IL7: variants seen among roughly 807,000 people sequenced by gnomAD.
The protein encoded by IL7 is interleukin 7, also known as interleukin-7.
A neutral mutation model predicts 21.6 loss-of-function variants in IL7; 3 were observed. The observed-to-expected ratio is 0.14, with a 90% confidence interval of 0.06 to 0.36. The LOEUF is 0.36. Ranked by LOEUF, IL7 falls within the 10% of genes least tolerant of loss-of-function variation. The pLI, the probability that IL7 is intolerant of heterozygous loss-of-function variation, is 1.00. For synonymous variants in IL7, 62 were observed against 68.1 expected, an observed-to-expected ratio of 0.91 and a Z score of 0.44; for missense variants, 175 against 200.2, an observed-to-expected ratio of 0.87 and a Z score of 0.76.
chr8:78,770,732 G>A (rs1812921762), intron 2 of IL7, among the ~76,000 whole-genome samples: 1 of 151,890 alleles, frequency 6.6e-6, no homozygotes. Flanking sequence ...AGTGAGATAG[G>A]TAGGAAGATA....
intron 2 of IL7, among the ~76,000 whole-genome samples, chr8:78,752,352 C>T (rs867839015): frequency 4.6e-5 from 7 of 152,208 alleles, no homozygotes; most frequent in Admixed American, 6.5e-5. Context: ...AAACTTCATA[C>T]TGTTTTCAAT....
chr8:78,682,590 A>T (rs1160369788), intron 4 of IL7, among the ~76,000 whole-genome samples: 2 of 152,154 alleles, frequency 1.3e-5, no homozygotes, highest in East Asian at 3.9e-4. Context: ...TCCTCCCACA[A>T]CCTGTGGGGA....
chr8:78,755,881 T>C (rs1307947746), intron 2 of IL7, among the ~76,000 whole-genome samples: 1 of 152,058 alleles, frequency 6.6e-6, no homozygotes, highest in African/African-American at 2.4e-5. Context: ...ATAGGAGTGG[T>C]AAAAGTGGGC....
chr8:78,761,866 C>T, intron 2 of IL7: 1 of 1,611,840 alleles, frequency 6.2e-7, no homozygotes, highest in East Asian at 2.2e-5. Flanking sequence ...TTTCATCAGC[C>T]TCATGTCCGT....
At chr8:78,776,685 G>A (rs1345830732) in intron 2 of IL7, among the ~76,000 whole-genome samples, 2 of 152,054 alleles carry the variant, frequency 1.3e-5, no homozygotes, top group Non-Finnish European at 2.9e-5. Context: ...GAATGCTTAA[G>A]TTCCAGGCAC....
chr8:78,780,987 C>A (rs894927518), intron 2 of IL7, among the ~76,000 whole-genome samples: 1 of 151,944 alleles, frequency 6.6e-6, no homozygotes, highest in Non-Finnish European at 1.5e-5. Context: ...TTATGTAATG[C>A]CTTTATCTTT....
At chr8:78,804,829 T>A in intron 1 of IL7, 84 bp downstream of exon 1, 1 of 1,529,690 alleles carries the variant, frequency 6.5e-7, no homozygotes, top group Non-Finnish European at 9.0e-7. Context: ...CGGACTTGCC[T>A]AGGAGCAGGG....
intron 4 of IL7, among the ~76,000 whole-genome samples, chr8:78,737,659 C>CGTA (rs1811638229): frequency 6.6e-6 from 1 of 151,988 alleles, no homozygotes; most frequent in Non-Finnish European, 1.5e-5. Flanking sequence ...ATAATCTTAC[C>CGTA]ATTTTACCTT....
intron 2 of IL7, chr8:78,759,996 G>T: frequency 2.2e-6 from 1 of 461,984 alleles, no homozygotes. Flanking sequence ...TCAAACAGGG[G>T]CCATTTAAAC....
chr8:78,689,628 G>A (rs1174774756), intron 3 of IL7, among the ~76,000 whole-genome samples: 2 of 151,718 alleles, frequency 1.3e-5, no homozygotes, highest in African/African-American at 4.8e-5. Flanking sequence ...AGCACGTTTT[G>A]TATATATAAA....
downstream of IL7, among the ~76,000 whole-genome samples, chr8:78,713,247 T>C (rs1811002605): frequency 6.6e-6 from 1 of 152,136 alleles, no homozygotes; most frequent in African/African-American, 2.4e-5. Context: ...TGGGGCAAGA[T>C]GTTTTAAGTG....
At chr8:78,697,374 A>T (rs754396802) in intron 3 of IL7, 2 of 1,495,784 alleles carry the variant, frequency 1.3e-6, no homozygotes, top group African/African-American at 1.4e-5. Flanking sequence ...TCAAAAAGTG[A>T]TGTTGATTAA....
intron 4 of IL7, among the ~76,000 whole-genome samples, chr8:78,677,648 CT>C (rs76888359): frequency 0.09 from 13,297 of 147,948 alleles, 738 homozygotes; most frequent in East Asian, 0.28. Flanking sequence ...TTAGTGGAGA[CT>C]TTTTTTTTTG....
intron 4 of IL7, among the ~76,000 whole-genome samples, chr8:78,678,155 C>T (rs1034703824): frequency 6.6e-6 from 1 of 152,094 alleles, no homozygotes; most frequent in African/African-American, 2.4e-5. Context: ...GTGCTGATCT[C>T]CTATCTTATT....
chr8:78,763,081 G>A (rs1563425586), intron 2 of IL7, among the ~76,000 whole-genome samples: 2 of 152,190 alleles, frequency 1.3e-5, no homozygotes, highest in Non-Finnish European at 2.9e-5. Context: ...CTGGTTGTTA[G>A]TGAAAATTAT....
intron 3 of IL7, chr8:78,686,424 ACT>A (rs1491133723): frequency 7.6e-6 from 9 of 1,182,828 alleles, no homozygotes; most frequent in African/African-American, 1.9e-5. Context: ...CTAAAAAGAT[ACT>A]GTTTGTTTAT....
intron 2 of IL7, among the ~76,000 whole-genome samples, chr8:78,780,811 G>C (rs1043963411): frequency 2.6e-5 from 4 of 152,108 alleles, no homozygotes; most frequent in African/African-American, 9.7e-5. Flanking sequence ...TCAATGATCT[G>C]TCTAATATTG....
At chr8:78,712,411 G>T (rs1026689214) in intron 3 of IL7, among the ~76,000 whole-genome samples, 2 of 151,648 alleles carry the variant, frequency 1.3e-5, no homozygotes, top group African/African-American at 2.4e-5. Flanking sequence ...AGTAATTAGG[G>T]TTTTTTGTAA....
At chr8:78,793,879 T>A (rs1349848238) in intron 2 of IL7, among the ~76,000 whole-genome samples, 2 of 152,198 alleles carry the variant, frequency 1.3e-5, no homozygotes, top group South Asian at 2.1e-4. Flanking sequence ...ATTTCAGCAA[T>A]GTTCACAGCA....
Sources: allele counts gnomAD v4.1 joint callset (sites outside exome capture counted in the v4.1 genomes callset), GRCh38; gene constraint gnomAD v4.1.1; transcripts MANE v1.5; gene names NCBI Gene and HGNC (gene_info 2026-07-23, HGNC 2026-07-21).